EFR3B: variants seen among roughly 807,000 people sequenced by gnomAD.
EFR3B encodes EFR3 homolog B, also known as protein EFR3 homolog B.
In EFR3B, 64 loss-of-function variants were observed where a neutral mutation model predicts 104.7. That is an observed-to-expected ratio of 0.61 (90% CI 0.50 to 0.75). The LOEUF (loss-of-function observed/expected upper bound fraction) is 0.75, where lower values mean the gene tolerates loss of function less well. Ranked by LOEUF, EFR3B falls within the 30% of genes least tolerant of loss-of-function variation. EFR3B has a pLI of 0.00. For synonymous variants in EFR3B, 385 were observed against 417.9 expected, an observed-to-expected ratio of 0.92 and a Z score of 0.96; for missense variants, 750 against 1,078.5, an observed-to-expected ratio of 0.70 and a Z score of 4.27.
intron 3 of EFR3B, among the ~76,000 whole-genome samples, chr2:25,097,391 C>A (rs185448454): frequency 7.9e-5 from 12 of 152,320 alleles, no homozygotes; most frequent in Non-Finnish European, 1.5e-4. Context: ...CTGATGGCAG[C>A]TTTGGAAGAG....
intron 1 of EFR3B, among the ~76,000 whole-genome samples, chr2:25,043,785 C>T (rs2149160623): frequency 6.6e-6 from 1 of 152,214 alleles, no homozygotes; most frequent in African/African-American, 2.4e-5. Context: ...TGTTTTCCCC[C>T]TCTTCTTTTC....
intron 1 of EFR3B, among the ~76,000 whole-genome samples, chr2:25,044,450 C>T (rs1019638286): frequency 5.3e-5 from 8 of 152,154 alleles, no homozygotes; most frequent in South Asian, 2.1e-4. Flanking sequence ...GGTTTGGGGG[C>T]GGGGATCACA....
intron 3 of EFR3B, among the ~76,000 whole-genome samples, chr2:25,094,369 G>C (rs933033490): frequency 6.6e-6 from 1 of 151,682 alleles, no homozygotes; most frequent in Non-Finnish European, 1.5e-5. Flanking sequence ...TAAGACAAAG[G>C]ATTCAAACTT....
At chr2:25,088,895 C>T (rs1008447785) in intron 1 of EFR3B, among the ~76,000 whole-genome samples, 3 of 152,170 alleles carry the variant, frequency 2.0e-5, no homozygotes, top group African/African-American at 7.2e-5. Flanking sequence ...GAAGCCCTCA[C>T]CTTCCCCTGT....
chr2:25,080,779 A>C (rs1175342681), intron 1 of EFR3B: 1 of 1,284,230 alleles, frequency 7.8e-7, no homozygotes, highest in Non-Finnish European at 1.1e-6. Context: ...ATTAGAGTCA[A>C]AATTGATCTT....
intron 4 of EFR3B, among the ~76,000 whole-genome samples, chr2:25,110,008 G>T (rs1669681391): frequency 6.6e-6 from 1 of 152,098 alleles, no homozygotes; most frequent in African/African-American, 2.4e-5. Context: ...GGGGAGGGCG[G>T]CTCCCCTGTG....
chr2:25,067,167 G>A lies in EFR3B; in HGVS notation c.8-24158G>A, dbSNP rs1360328311. ...TTTTAAATTTTATTTAATTTAAGTA[G>A]CCACAAGTGACTAGTGGCTACCATA... On this transcript the variant is annotated intron_variant, in intron 1 of 22. Transcript: ENST00000403714. Among the ~76,000 whole-genome samples, 7 of 152,048 alleles carry A rather than the reference G, an allele frequency of 4.6e-5. No individual in the cohort carries two copies. The East Asian group carries it at 1.3e-3, about 29-fold the overall frequency.
At chr2:25,151,030 G>C (rs1307921605) in intron 20 of EFR3B, among the ~76,000 whole-genome samples, 2 of 151,514 alleles carry the variant, frequency 1.3e-5, no homozygotes, top group Non-Finnish European at 2.9e-5. Context: ...GACCAGCCTG[G>C]GCAACATAGT....
chr2:25,108,715 TTGTC>T (rs1573208613), intron 4 of EFR3B, among the ~76,000 whole-genome samples: 1 of 152,180 alleles, frequency 6.6e-6, no homozygotes, highest in South Asian at 2.1e-4. Context: ...ATTTAAAACT[TTGTC>T]TGGGCACAGT....
intron 3 of EFR3B, among the ~76,000 whole-genome samples, chr2:25,100,652 C>G (rs1296674127): frequency 1.3e-5 from 2 of 152,226 alleles, no homozygotes; most frequent in Non-Finnish European, 2.9e-5. Context: ...GCCACCGCGC[C>G]TGGCTAATTT....
At chr2:25,141,244 C>A in intron 16 of EFR3B, 122 bp from the exon 17 acceptor site, 1 of 991,620 alleles carries the variant, frequency 1.0e-6, no homozygotes, top group Non-Finnish European at 1.5e-6. Context: ...CAGCTGAGGA[C>A]ACTGTGCTGA....
intron 1 of EFR3B, among the ~76,000 whole-genome samples, chr2:25,048,829 G>T (rs1049467484): frequency 1.3e-5 from 2 of 152,208 alleles, no homozygotes; most frequent in Non-Finnish European, 2.9e-5. Context: ...CTTGGTGGTA[G>T]TGGTCCCCCG....
chr2:25,158,968 T>G lies in EFR3B; in HGVS notation c.*4628T>G, dbSNP rs1024675859. On this transcript the variant is annotated 3_prime_UTR_variant, in exon 23 of 23. Transcript: ENST00000403714. ...GTGCCCGTGGCGGTTTTCTGTATTT[T>G]AAACCCATTGAATTGGTTAGTTTTA... 6.6e-6 allele frequency: 1 copy of G among 152,250 alleles called. No homozygotes were observed. The highest frequency in any genetic ancestry group is 2.4e-5 in the African/African-American group (1 of 41,462). The allele number at this position is 152,250 out of a possible 1,614,324, so 9.4% of individuals were successfully genotyped here.
intron 1 of EFR3B, among the ~76,000 whole-genome samples, chr2:25,044,272 G>A (rs542149838): frequency 7.2e-5 from 11 of 152,210 alleles, no homozygotes; most frequent in Non-Finnish European, 1.5e-4. Flanking sequence ...GCTGGGTGCA[G>A]AGTCTGATCT....
chr2:25,129,909 G>A (rs796614437), intron 6 of EFR3B, 66 bp from the exon 7 acceptor site: 51 of 1,518,870 alleles, frequency 3.4e-5, no homozygotes, highest in South Asian at 2.3e-4. Context: ...ACGGAAAGCC[G>A]GGATTGTACA....
chr2:25,092,819 C>A (rs1041914995), intron 2 of EFR3B, among the ~76,000 whole-genome samples, 184 bp from the exon 3 acceptor site: 1 of 152,240 alleles, frequency 6.6e-6, no homozygotes, highest in Non-Finnish European at 1.5e-5. Context: ...GGATTATAGG[C>A]GTGAGCCTAT....
In EFR3B at chr2:25,116,734, G is replaced by A. The variant is rs190556080; in HGVS notation, c.364-4939G>A. 4.3e-4 allele frequency among the ~76,000 whole-genome samples: 65 copies of A among 152,104 alleles called. No individual in the cohort carries two copies. The Middle Eastern group carries it at 0.01, about 24-fold the overall frequency. On this transcript the variant is annotated intron_variant, in intron 4 of 22. Transcript: ENST00000403714. The stretch of plus-strand genomic sequence containing the variant: ...GGAGCCGCAGAAGGAGAGAGCAAGG[G>A]AGTTTTCCAGTGAGGTTAGCAGCTG...
chr2:25,096,542 C>T (rs1015052134), intron 3 of EFR3B, among the ~76,000 whole-genome samples: 2 of 152,214 alleles, frequency 1.3e-5, no homozygotes, highest in Non-Finnish European at 2.9e-5. Context: ...CCAGCATCCT[C>T]AGCTTGACTT....
chr2:25,121,743 G>C lies in EFR3B; in HGVS notation c.434G>C (p.Arg145Pro). ...YHRSYDFFVS[R>P]FSEMCHSSHD... Reference sequence around the variant, plus strand: ...CGGAGCTATGACTTCTTTGTGTCCCGATTCAGTGAAATGTGCCACTCGAGC... The same window carrying C: ...CGGAGCTATGACTTCTTTGTGTCCCCATTCAGTGAAATGTGCCACTCGAGC... The change falls in exon 5 of 23, where the codon CGA (arginine) becomes CCA (proline). Residue 145 changes from arginine (R) to proline (P), a missense_variant. Transcript: ENST00000403714. 1 of 1,551,684 alleles carries C rather than the reference G, an allele frequency of 6.4e-7. No individual in the cohort carries two copies. Among genetic ancestry groups the C allele is most frequent in the Non-Finnish European group, 8.7e-7 (1 of 1,146,994 alleles).
Sources: gnomAD v4.1 joint callset for allele counts (sites outside exome capture counted in the v4.1 genomes callset) on GRCh38, gnomAD v4.1.1 for gene constraint, MANE v1.5 for transcripts, NCBI Gene and HGNC (gene_info 2026-07-23, HGNC 2026-07-21) for gene names.